ADH5: variants seen among roughly 807,000 people sequenced by gnomAD.
ADH5 encodes the protein alcohol dehydrogenase 5 (class III), chi polypeptide, also known as alcohol dehydrogenase class-3.
ADH5 carries 32 observed loss-of-function variants against 40.3 expected under a neutral mutation model. The ratio of observed to expected loss-of-function variants is 0.79; its 90% CI spans 0.60 to 1.07. ADH5 has a LOEUF of 1.07. ADH5 is among the 50% of genes least tolerant of loss of function. ADH5 has a pLI of 0.00. For missense variants in ADH5, 353 were observed against 460.5 expected (o/e 0.77, Z 2.14); for synonymous variants, 125 against 154.3 (o/e 0.81, Z 1.41).
chr4:99,085,277 G>A (rs1728111812), intron 1 of ADH5, 61 bp from the exon 2 acceptor site: 2 of 720,916 alleles, frequency 2.8e-6, no homozygotes, highest in Non-Finnish European at 4.3e-6. Context: ...CTACTTAATA[G>A]CCAATTTAGA....
At chr4:99,087,639 T>G (rs909260010) in intron 1 of ADH5, among the ~76,000 whole-genome samples, 2 of 152,124 alleles carry the variant, frequency 1.3e-5, no homozygotes, top group African/African-American at 2.4e-5. Flanking sequence ...GATGGCCTGC[T>G]CCCCTTTAAA....
intron 1 of ADH5, among the ~76,000 whole-genome samples, chr4:99,087,797 C>T (rs29001346): frequency 0.072 from 10,977 of 152,214 alleles, 620 homozygotes; most frequent in African/African-American, 0.17. Context: ...AATAAAGACA[C>T]TCAGTAATAA....
rs1395138387 is a variant in ADH5 at position 99,085,214 on chromosome 4, A to T, written c.15T>A (p.Val5=). The change falls in exon 2 of 9, where the codon GTT becomes GTA. Residue 5 remains valine (V), a splice_region_variant and synonymous_variant. Transcript: ENST00000296412. ...AAGCAACTGCAGCCTTGCACTTGATAACCTGAAGTGGGGAAAAAAGGGAAT... is the reference window on the plus strand; with the variant it reads ...AAGCAACTGCAGCCTTGCACTTGATTACCTGAAGTGGGGAAAAAAGGGAAT... MANE[V]IKCKAAVAWE... 5.4e-6 allele frequency: 8 copies of T among 1,490,978 alleles called. No individual in the cohort carries two copies. In the African/African-American group the frequency reaches 8.4e-5, roughly 16 times the overall value. 92.4% of individuals were successfully genotyped at this position (1,490,978 alleles called of 1,614,324 possible).
At position 99,080,059 on chromosome 4, in the gene ADH5, G is replaced by A. The variant is rs894961215; in HGVS notation, c.344+1306C>T. On this transcript the variant is annotated intron_variant, in intron 4 of 8. Coordinates refer to ENST00000296412, the MANE Select transcript of ADH5 (RefSeq NM_000671.4). ...GTTACTATTAATACAATGGTACACA[G>A]TACTGAATTCACAAAAATATGAACA... The A allele has an allele frequency of 7.1e-6, 3 of 419,682 alleles. No homozygotes were observed. In the Admixed American group the frequency reaches 9.5e-5, roughly 13 times the overall value. The allele number at this position is 419,682 out of a possible 1,614,324, so 26.0% of individuals were successfully genotyped here. A position where few individuals can be genotyped will look rare whatever the true frequency, so the allele number is the denominator to read the frequency against.
At chr4:99,078,992 A>C (rs1406592465) in intron 4 of ADH5, among the ~76,000 whole-genome samples, 1 of 152,246 alleles carries the variant, frequency 6.6e-6, no homozygotes, top group Non-Finnish European at 1.5e-5. Context: ...TTATAAAATA[A>C]ATGGAATTTT....
chr4:99,076,300 T>C lies in ADH5; in HGVS notation c.817A>G (p.Lys273Glu). 1.2e-6 allele frequency: 2 copies of C among 1,614,012 alleles called. No homozygotes were observed. The highest frequency in any genetic ancestry group is 8.5e-7 in the Non-Finnish European group (1 of 1,179,898). Reference sequence around the variant, plus strand: ...ATGAAGCCCATACTCACCATGACCTTCACATTACCAATACATTCAAAGGAA... The same window carrying C: ...ATGAAGCCCATACTCACCATGACCTCCACATTACCAATACATTCAAAGGAA... The part of the protein sequence containing the change: ...DYSFECIGNV[K>E]VMRAALEACH... The change falls in exon 6 of 9, where the codon AAG becomes GAG. Residue 273 changes from lysine to glutamate, a missense_variant. By Grantham distance (56) the Lys-to-Glu change is moderately conservative (BLOSUM62 1). Coordinates refer to ENST00000296412, the MANE Select transcript of ADH5 (RefSeq NM_000671.4).
At chr4:99,085,288 T>C in intron 1 of ADH5, 72 bp from the exon 2 acceptor site, 1 of 592,458 alleles carries the variant, frequency 1.7e-6, no homozygotes, top group Non-Finnish European at 2.8e-6. Flanking sequence ...CCAATTTAGA[T>C]ACAGATTAAT....
At chr4:99,075,905 A>AT (rs1727915963) in intron 6 of ADH5, 1 of 162,468 alleles carries the variant, frequency 6.2e-6, no homozygotes, top group Non-Finnish European at 1.3e-5. Flanking sequence ...TGGATTAGGG[A>AT]TAGATGTTCA....
At chr4:99,081,931 A>G (rs1728032604) in intron 3 of ADH5, 44 bp downstream of exon 3, 1 of 1,607,724 alleles carries the variant, frequency 6.2e-7, no homozygotes, top group Non-Finnish European at 8.5e-7. Flanking sequence ...CCCCATAGGA[A>G]TAAGCCAAAA....
chr4:99,074,941 G>C lies in ADH5; in HGVS notation c.934C>G (p.Arg312Gly), dbSNP rs374481239. ...CCAAAGGCAGTGCCTTTCCATGTGC[G>C]ACCTGTTACCAGCTGGAATGGACGA... ...ATRPFQLVTG[R>G]TWKGTAFGGW... The change falls in exon 7 of 9, where the codon CGC (arginine) becomes GGC (glycine). Residue 312 changes from arginine to glycine, a missense_variant. Physicochemically the swap from Arg to Gly is moderately radical, Grantham distance 125. Transcript: ENST00000296412. The C allele has an allele frequency of 6.2e-7, 1 of 1,612,340 alleles. No homozygotes were observed. The highest frequency in any genetic ancestry group is 8.5e-7 in the Non-Finnish European group (1 of 1,179,040).
intron 6 of ADH5, chr4:99,075,260 G>A: frequency 3.5e-6 from 1 of 288,632 alleles, no homozygotes; most frequent in Non-Finnish European, 6.1e-6. Context: ...TCTCCCTCTG[G>A]CACCCAGGCT....
intron 6 of ADH5, 178 bp downstream of exon 6, chr4:99,076,114 C>A: frequency 1.6e-6 from 1 of 629,398 alleles, no homozygotes; most frequent in Admixed American, 3.0e-5. Flanking sequence ...TCATCCTTCC[C>A]TGAGCTGTTC....
intron 7 of ADH5, among the ~76,000 whole-genome samples, chr4:99,073,759 G>C (rs916308240): frequency 1.3e-5 from 2 of 152,122 alleles, no homozygotes; most frequent in Non-Finnish European, 2.9e-5. Context: ...CTTTAGATCA[G>C]CAATGCAAGG....
intron 4 of ADH5, chr4:99,079,864 C>T (rs976179596): frequency 1.6e-5 from 6 of 381,858 alleles, no homozygotes; most frequent in East Asian, 1.6e-4. Context: ...CTCAGAAGCA[C>T]GTCTTTCCTT....
intron 4 of ADH5, 67 bp from the exon 5 acceptor site, chr4:99,076,990 T>A: frequency 8.6e-7 from 1 of 1,165,608 alleles, no homozygotes; most frequent in Non-Finnish European, 1.2e-6. Flanking sequence ...GAAAAAGAAA[T>A]GTTTTAAAAA....
chr4:99,083,451 C>T (rs1728066450), intron 2 of ADH5, among the ~76,000 whole-genome samples: 2 of 151,502 alleles, frequency 1.3e-5, no homozygotes, highest in South Asian at 2.1e-4. Flanking sequence ...AATACAAAAA[C>T]TAGCCAGGCG....
chr4:99,072,560 A>G lies in ADH5; in HGVS notation c.1100+13T>C, dbSNP rs745875396. On this transcript the variant is annotated intron_variant, in intron 8 of 8. Coordinates refer to ENST00000296412, the MANE Select transcript of ADH5 (RefSeq NM_000671.4). Reference sequence around the variant, plus strand: ...CATTATTACATTCTATGATATATAAAGAGAAAGCCTACCTCTTTCCAGAAT... The same window carrying G: ...CATTATTACATTCTATGATATATAAGGAGAAAGCCTACCTCTTTCCAGAAT... The G allele has an allele frequency of 3.7e-6, 6 of 1,609,566 alleles. No individual in the cohort carries two copies. The South Asian group carries it at 6.7e-5, about 18-fold the overall frequency.
At chr4:99,082,201 A>C in intron 2 of ADH5, 85 bp from the exon 3 acceptor site, 2 of 1,369,866 alleles carry the variant, frequency 1.5e-6, no homozygotes, top group South Asian at 1.5e-5. Flanking sequence ...ATTTTATTAT[A>C]ATACTATATT....
intron 2 of ADH5, among the ~76,000 whole-genome samples, chr4:99,083,353 A>G (rs1038976256): frequency 6.6e-6 from 1 of 152,022 alleles, no homozygotes; most frequent in African/African-American, 2.4e-5. Context: ...TAATCCCAGC[A>G]CTTTGGGAGG....
Sources: gnomAD v4.1 joint callset for allele counts (sites outside exome capture counted in the v4.1 genomes callset) on GRCh38, gnomAD v4.1.1 for gene constraint, MANE v1.5 for transcripts, NCBI Gene and HGNC (gene_info 2026-07-23, HGNC 2026-07-21) for gene names.